FRMD4B: variants seen among roughly 807,000 people sequenced by gnomAD.
FRMD4B encodes FERM domain containing 4B.
FRMD4B carries 74 observed loss-of-function variants against 141.5 expected under a neutral mutation model. The ratio of observed to expected loss-of-function variants is 0.52; its 90% CI spans 0.43 to 0.63. FRMD4B has a LOEUF of 0.63. Ranked by LOEUF, FRMD4B falls within the 30% of genes least tolerant of loss-of-function variation. The pLI, the probability that FRMD4B is intolerant of heterozygous loss-of-function variation, is 0.00. For synonymous variants in FRMD4B, 506 were observed against 467.9 expected (o/e 1.08, Z -1.05); for missense variants, 1,366 against 1,253.4 (o/e 1.09, Z -1.36).
intron 1 of FRMD4B, among the ~76,000 whole-genome samples, chr3:69,518,743 T>C (rs1700804535): frequency 6.6e-6 from 1 of 152,118 alleles, no homozygotes; most frequent in Non-Finnish European, 1.5e-5. Flanking sequence ...TGTGGGGAGC[T>C]ATAATGTTTA....
At chr3:69,391,147 A>G (rs1311334729) in intron 2 of FRMD4B, among the ~76,000 whole-genome samples, 1 of 152,046 alleles carries the variant, frequency 6.6e-6, no homozygotes, top group Admixed American at 6.5e-5. Context: ...CAATTTTTGG[A>G]TACTTATCAT....
rs2107545790 is a variant in FRMD4B, at chr3:69,169,202, G to GA, written c.*2658dup. Among the ~76,000 whole-genome samples, 1 of 152,136 alleles carries GA rather than the reference G, an allele frequency of 6.6e-6. No individual in the cohort carries two copies. Among genetic ancestry groups the GA allele is most frequent in the African/African-American group, 2.4e-5 (1 of 41,506 alleles). ...CATGGTATTTTGTAATAAAAAAGAGGAAACGTACATGTTGAATAATGTACT... is the reference window on the plus strand; with the variant it reads ...CATGGTATTTTGTAATAAAAAAGAGGAAAACGTACATGTTGAATAATGTACT... On this transcript the variant is annotated 3_prime_UTR_variant, in exon 23 of 23. Coordinates refer to ENST00000398540, the MANE Select transcript of FRMD4B (RefSeq NM_015123.3).
chr3:69,476,710 C>T (rs1305638736), intron 1 of FRMD4B, among the ~76,000 whole-genome samples: 1 of 151,006 alleles, frequency 6.6e-6, no homozygotes, highest in Non-Finnish European at 1.5e-5. Context: ...TCCATATGAA[C>T]TTTAAAGTAG....
chr3:69,418,154 C>T (rs929914536), intron 2 of FRMD4B, among the ~76,000 whole-genome samples: 2 of 152,128 alleles, frequency 1.3e-5, no homozygotes, highest in Non-Finnish European at 2.9e-5. Context: ...AATTATTTAA[C>T]CTACTGAGGC....
chr3:69,187,101 T>C (rs2092776028), intron 19 of FRMD4B, among the ~76,000 whole-genome samples: 2 of 152,190 alleles, frequency 1.3e-5, no homozygotes, highest in South Asian at 4.1e-4. Flanking sequence ...GAGTGGACTT[T>C]AACGACAATT....
At chr3:69,193,438 G>A (rs531971466) in intron 17 of FRMD4B, among the ~76,000 whole-genome samples, 7 of 152,276 alleles carry the variant, frequency 4.6e-5, no homozygotes, top group African/African-American at 9.6e-5. Context: ...AACCCATGAG[G>A]TGGAGTTTGC....
chr3:69,378,288 G>A (rs955138498), intron 1 of FRMD4B, among the ~76,000 whole-genome samples: 1 of 152,148 alleles, frequency 6.6e-6, no homozygotes, highest in Non-Finnish European at 1.5e-5. Flanking sequence ...TTGGTTGGGT[G>A]GGTATGTGAC....
At chr3:69,208,289 C>T (rs570335263) in intron 11 of FRMD4B, among the ~76,000 whole-genome samples, 44 of 152,156 alleles carry the variant, frequency 2.9e-4, no homozygotes, top group Non-Finnish European at 5.0e-4. Context: ...GTTTCCAACT[C>T]CTCACCTCAG....
At chr3:69,310,703 A>G (rs992818062) in intron 3 of FRMD4B, among the ~76,000 whole-genome samples, 2 of 152,088 alleles carry the variant, frequency 1.3e-5, no homozygotes, top group African/African-American at 4.8e-5. Context: ...GGGAGCATAT[A>G]TATTGTTGAC....
intron 20 of FRMD4B, 28 bp from the exon 21 acceptor site, chr3:69,181,738 A>C: frequency 4.3e-6 from 6 of 1,411,238 alleles, no homozygotes; most frequent in Non-Finnish European, 4.9e-6. Context: ...CAAACTTCTC[A>C]ACACCAAGAA....
intron 1 of FRMD4B, among the ~76,000 whole-genome samples, chr3:69,458,951 C>G (rs1432574211): frequency 1.3e-5 from 2 of 151,922 alleles, no homozygotes; most frequent in African/African-American, 4.8e-5. Flanking sequence ...AGAACACCTG[C>G]CTGCTGACTC....
intron 1 of FRMD4B, among the ~76,000 whole-genome samples, chr3:69,451,250 T>A (rs571482618): frequency 6.6e-6 from 1 of 150,714 alleles, no homozygotes; most frequent in South Asian, 2.1e-4. Context: ...CTGCGATCTC[T>A]TTTCTTCCTA....
intron 1 of FRMD4B, among the ~76,000 whole-genome samples, chr3:69,345,355 G>A (rs1034727158): frequency 2.0e-5 from 3 of 152,282 alleles, no homozygotes; most frequent in South Asian, 2.1e-4. Flanking sequence ...GAACTGGGTG[G>A]AGCCCACTGC....
intron 1 of FRMD4B, among the ~76,000 whole-genome samples, chr3:69,351,199 TA>T (rs764802456): frequency 6.6e-6 from 1 of 152,190 alleles, no homozygotes; most frequent in Non-Finnish European, 1.5e-5. Flanking sequence ...TATTAATGTA[TA>T]GTTTACCTGT....
intron 1 of FRMD4B, among the ~76,000 whole-genome samples, chr3:69,473,928 G>T (rs756758207): frequency 6.6e-5 from 10 of 152,084 alleles, no homozygotes; most frequent in Non-Finnish European, 1.3e-4. Context: ...CGCTTAGGCT[G>T]CCCAGGCTTC....
At chr3:69,511,996 A>G (rs1706697462) in intron 1 of FRMD4B, among the ~76,000 whole-genome samples, 1 of 152,238 alleles carries the variant, frequency 6.6e-6, no homozygotes, top group African/African-American at 2.4e-5. Flanking sequence ...AATGATGCTA[A>G]GAGGAGGCAA....
intron 1 of FRMD4B, among the ~76,000 whole-genome samples, chr3:69,347,105 C>T (rs1429479065): frequency 6.6e-6 from 1 of 152,142 alleles, no homozygotes; most frequent in Non-Finnish European, 1.5e-5. Context: ...TGCAGAGACA[C>T]ACATAGGCTC....
chr3:69,315,386 A>G (rs1701769975), intron 1 of FRMD4B, among the ~76,000 whole-genome samples: 1 of 152,070 alleles, frequency 6.6e-6, no homozygotes, highest in Admixed American at 6.6e-5. Flanking sequence ...AATATTTCAT[A>G]TTATTTTACT....
At chr3:69,264,130 G>T (rs1458270792) in intron 5 of FRMD4B, among the ~76,000 whole-genome samples, 1 of 152,080 alleles carries the variant, frequency 6.6e-6, no homozygotes, top group Non-Finnish European at 1.5e-5. Context: ...ACCTCCATTG[G>T]CATTACTGGA....
Sources: gnomAD v4.1 joint callset for allele counts (sites outside exome capture counted in the v4.1 genomes callset) on GRCh38, gnomAD v4.1.1 for gene constraint, MANE v1.5 for transcripts, NCBI Gene and HGNC (gene_info 2026-07-23, HGNC 2026-07-21) for gene names.